MOCS1: variants seen among roughly 807,000 people sequenced by gnomAD.
The protein encoded by MOCS1 is molybdenum cofactor biosynthesis protein 1.
Under a neutral mutation model 57.6 loss-of-function variants are expected in MOCS1, and 39 were observed. The observed-to-expected ratio is 0.68, with a 90% CI of 0.52 to 0.88. MOCS1 has a LOEUF of 0.88. Ranked by LOEUF, MOCS1 falls within the 40% of genes least tolerant of loss-of-function variation. MOCS1 has a pLI of 0.00. For missense variants in MOCS1, 795 were observed against 831.1 expected (o/e 0.96, Z 0.53); for synonymous variants, 334 against 335.7 (o/e 1.00, Z 0.05).
intron 2 of MOCS1, 50 bp from the exon 3 acceptor site, chr6:39,925,895 C>T (rs1319599787): frequency 1.9e-6 from 3 of 1,567,608 alleles, no homozygotes; most frequent in Non-Finnish European, 2.6e-6. Context: ...GGCACGGCCA[C>T]AGCCCCGTGA....
intron 3 of MOCS1, among the ~76,000 whole-genome samples, chr6:39,921,165 C>T (rs111800772): frequency 0.024 from 3,617 of 152,004 alleles, 153 homozygotes; most frequent in African/African-American, 0.082. Context: ...TTTGGGAGGC[C>T]GAGGCGGGTG....
intron 1 of MOCS1, among the ~76,000 whole-genome samples, chr6:39,930,863 G>A (rs893879164): frequency 1.3e-5 from 2 of 152,114 alleles, no homozygotes; most frequent in African/African-American, 2.4e-5. Flanking sequence ...CTAAATTCTC[G>A]AAACCTTAGT....
In MOCS1 at chr6:39,906,945, C is replaced by T. The variant is rs764277028; in HGVS notation, c.1323G>A (p.Gly441=). The change falls in exon 11 of 11, where the codon GGG becomes GGA. Residue 441 remains glycine (G), a synonymous_variant. Transcript: ENST00000340692. ...TGTAGTGTCTCTGAAAGGAGCCAGACCCCAGCCGCTGCTGGGCTAGAGGAG... is the reference window on the plus strand; with the variant it reads ...TGTAGTGTCTCTGAAAGGAGCCAGATCCCAGCCGCTGCTGGGCTAGAGGAG... ...QTPPLAQQRL[G]SGSFQRHYTS... The T allele has an allele frequency of 2.0e-5, 32 of 1,613,992 alleles. No homozygotes were observed. The highest frequency in any genetic ancestry group is 2.5e-5 in the Non-Finnish European group (29 of 1,180,018).
In MOCS1 at chr6:39,912,324, C is replaced by T. The variant is rs1205189497; in HGVS notation, c.921G>A (p.Met307Ile). The T allele has an allele frequency of 2.5e-6, 4 of 1,614,000 alleles. No individual in the cohort carries two copies. Among genetic ancestry groups the T allele is most frequent in the Admixed American group, 1.7e-5 (1 of 60,012 alleles). Residue 307 changes from methionine to isoleucine, a missense_variant, in exon 8 of 11, where the codon ATG becomes ATA. Around this residue, in one of 3 missense-constraint regions of MOCS1, gnomAD observed 374 missense variants for 422.6 expected, o/e 0.89. Coordinates refer to ENST00000340692, the MANE Select transcript of MOCS1 (RefSeq NM_001358530.2). ...TGCAGGTCCCACAGAAATGCTCAGA[C>T]ATGGATGTGATGAAGCTGATCTGGC... is the stretch of plus-strand genomic sequence containing the variant. The part of the protein sequence containing the change: ...FQGQISFITS[M>I]SEHFCGTCNR...
At chr6:39,912,180 C>T in intron 8 of MOCS1, 84 bp downstream of exon 8, 1 of 1,082,900 alleles carries the variant, frequency 9.2e-7, no homozygotes, top group South Asian at 1.2e-5. Flanking sequence ...CTGCCAGCCT[C>T]CTCTCCAATC....
chr6:39,932,367 A>G (rs1768687852), intron 1 of MOCS1: 1 of 152,230 alleles, frequency 6.6e-6, no homozygotes, highest in Admixed American at 6.5e-5. Context: ...GGGCTGGCCC[A>G]GTCCTCTCAT....
In MOCS1 at chr6:39,927,315, G is replaced by A. The variant is rs771893622; in HGVS notation, c.250+14C>T. 2 of 1,609,446 alleles carry A rather than the reference G, an allele frequency of 1.2e-6. No individual in the cohort carries two copies. The highest frequency in any genetic ancestry group is 4.5e-5 in the East Asian group (2 of 44,808). ...TGGACACCAGCCCAGAGAGGGCCCA[G>A]GAAGGTGACTCACATCTGAGGTTGC... On this transcript the variant is annotated intron_variant, in intron 2 of 10. Coordinates refer to ENST00000340692, the MANE Select transcript of MOCS1 (RefSeq NM_001358530.2).
rs766498972 is a variant in MOCS1 at position 39,912,297 on chromosome 6, G to A, written c.948C>T (p.Asn316=). ...SMSEHFCGTC[N]RLRITADGNL... ...TCCCATCAGCTGTGATTCGCAGGCG[G>A]TTGCAGGTCCCACAGAAATGCTCAG... Residue 316 remains asparagine (N), a synonymous_variant, in exon 8 of 11, where the codon AAC becomes AAT. Transcript: ENST00000340692. 8.1e-6 allele frequency: 13 copies of A among 1,613,456 alleles called. No homozygotes were observed. The East Asian group carries it at 2.7e-4, about 33-fold the overall frequency.
In MOCS1 at chr6:39,906,209, T is replaced by C. The variant is rs1198210764; in HGVS notation, c.*148A>G. On this transcript the variant is annotated 3_prime_UTR_variant, in exon 11 of 11. Coordinates refer to ENST00000340692, the MANE Select transcript of MOCS1 (RefSeq NM_001358530.2). ...AGAGATCATCTAGCAGCAGGCCTGT[T>C]TGTTAGTAGTAGAGCAGGCTGACTT... 2.1e-6 allele frequency: 2 copies of C among 970,582 alleles called. No individual in the cohort carries two copies. The highest frequency in any genetic ancestry group is 3.3e-6 in the Non-Finnish European group (2 of 607,118). 60.1% of individuals were successfully genotyped at this position (970,582 alleles called of 1,614,324 possible). A position where few individuals can be genotyped will look rare whatever the true frequency, so the allele number is the denominator to read the frequency against.
Position 39,906,935 on chromosome 6 carries a change from A to G in MOCS1, c.1333T>C (p.Phe445Leu), listed in dbSNP as rs1582799981. 1 of 1,614,120 alleles carries G rather than the reference A, an allele frequency of 6.2e-7. No homozygotes were observed. The highest frequency in any genetic ancestry group is 1.1e-5 in the South Asian group (1 of 91,078). Residue 445 changes from phenylalanine to leucine, a missense_variant, in exon 11 of 11, where the codon TTT (phenylalanine) becomes CTT (leucine). By Grantham distance (22) the Phe-to-Leu change is conservative. Coordinates refer to ENST00000340692, the MANE Select transcript of MOCS1 (RefSeq NM_001358530.2). ...LAQQRLGSGS[F>L]QRHYTSRADS... is the part of the protein sequence containing the mutation. ...GCACGGGAAGTGTAGTGTCTCTGAA[A>G]GGAGCCAGACCCCAGCCGCTGCTGG... is the stretch of plus-strand genomic sequence containing the variant.
chr6:39,931,690 C>T (rs536061933), intron 1 of MOCS1, among the ~76,000 whole-genome samples: 124 of 152,236 alleles, frequency 8.1e-4, no homozygotes, highest in African/African-American at 3.0e-3. Context: ...GCCTGCTGTA[C>T]TCCTTCTACC....
intron 3 of MOCS1, among the ~76,000 whole-genome samples, chr6:39,923,898 C>T (rs974369595): frequency 6.6e-6 from 1 of 152,184 alleles, no homozygotes; most frequent in Non-Finnish European, 1.5e-5. Flanking sequence ...GCTCATTCAT[C>T]TTCGTGTGCT....
At chr6:39,916,479 T>A (rs189111321) in intron 3 of MOCS1, among the ~76,000 whole-genome samples, 1 of 152,200 alleles carries the variant, frequency 6.6e-6, no homozygotes, top group Non-Finnish European at 1.5e-5. Flanking sequence ...CATTAGCTCA[T>A]TGAAGCCTCA....
chr6:39,923,286 C>T (rs957338267), intron 3 of MOCS1, among the ~76,000 whole-genome samples: 11 of 152,222 alleles, frequency 7.2e-5, no homozygotes, highest in African/African-American at 1.7e-4. Flanking sequence ...TAAAGTGGCT[C>T]ATCCACAGCT....
rs777492303 is a variant in MOCS1, at chr6:39,934,316, C to T, written c.102G>A (p.Glu34=). ...TCACCTCCGAGGCAGCTCGCGCGGACTCCCCGGGGCAGGGCTGGGTCACCG... is the reference window on the plus strand; with the variant it reads ...TCACCTCCGAGGCAGCTCGCGCGGATTCCCCGGGGCAGGGCTGGGTCACCG... ...GAPVTQPCPG[E]SARAASEEVS... is the part of the protein sequence containing the mutation. Residue 34 remains glutamate (E), a synonymous_variant, in exon 1 of 11, where the codon GAG becomes GAA. Transcript: ENST00000340692. 2 of 1,546,854 alleles carry T rather than the reference C, an allele frequency of 1.3e-6. No homozygotes were observed. The highest frequency in any genetic ancestry group is 2.4e-5 in the South Asian group (2 of 84,586).
rs1318245962 is a variant in MOCS1 at position 39,904,643 on chromosome 6, A to C, written c.*1714T>G. On this transcript the variant is annotated 3_prime_UTR_variant, in exon 11 of 11. Transcript: ENST00000340692. ...AGGTGAATGGGGAAGGGTCTGTTCC[A>C]GCCTCTCCCTACTCCCATCCCATTT... The C allele has an allele frequency of 2.2e-6, 1 of 454,128 alleles. No individual in the cohort carries two copies. Among genetic ancestry groups the C allele is most frequent in the Non-Finnish European group, 4.4e-6 (1 of 226,840 alleles). 28.1% of individuals were successfully genotyped at this position (454,128 alleles called of 1,614,324 possible). A position where few individuals can be genotyped will look rare whatever the true frequency, so the allele number is the denominator to read the frequency against.
chr6:39,925,612 C>T (rs372740390), intron 3 of MOCS1, 66 bp downstream of exon 3: 48 of 1,573,082 alleles, frequency 3.1e-5, no homozygotes, highest in Middle Eastern at 1.7e-4. Context: ...CTGTTAACAT[C>T]GGCATCAGTG....
Position 39,904,706 on chromosome 6 carries a change from A to C in MOCS1, c.*1651T>G, listed in dbSNP as rs1445739022. Reference sequence around the variant, plus strand: ...GAACTGTGACTATCTATCTCCCCCGACTTCTACCAGGGATGCCTTCACGCC... The same window carrying C: ...GAACTGTGACTATCTATCTCCCCCGCCTTCTACCAGGGATGCCTTCACGCC... On this transcript the variant is annotated 3_prime_UTR_variant, in exon 11 of 11. Transcript: ENST00000340692. The C allele has an allele frequency of 2.2e-6, 1 of 454,004 alleles. No homozygotes were observed. The highest frequency in any genetic ancestry group is 1.6e-5 in the South Asian group (1 of 64,468). The allele number at this position is 454,004 out of a possible 1,614,324, so 28.1% of individuals were successfully genotyped here. A position where few individuals can be genotyped will look rare whatever the true frequency, so the allele number is the denominator to read the frequency against.
At position 39,927,472 on chromosome 6, in the gene MOCS1, G is replaced by C; in HGVS notation, c.124-17C>G. On this transcript the variant is annotated splice_polypyrimidine_tract_variant and intron_variant, in intron 1 of 10. Coordinates refer to ENST00000340692, the MANE Select transcript of MOCS1 (RefSeq NM_001358530.2). ...GGACACCTCCTGCGAGGACAGACCAGGGAGGAAGCATGGGCCCCTGCTACC... is the reference window on the plus strand; with the variant it reads ...GGACACCTCCTGCGAGGACAGACCACGGAGGAAGCATGGGCCCCTGCTACC... 5 of 1,610,216 alleles carry C rather than the reference G, an allele frequency of 3.1e-6. No individual in the cohort carries two copies. Among genetic ancestry groups the C allele is most frequent in the Non-Finnish European group, 4.2e-6 (5 of 1,178,492 alleles).
Sources: gnomAD v4.1 joint callset for allele counts (sites outside exome capture counted in the v4.1 genomes callset) on GRCh38, gnomAD v4.1.1 for gene constraint, gnomAD v4.1.1 regional missense constraint, MANE v1.5 for transcripts, NCBI Gene and HGNC (gene_info 2026-07-23, HGNC 2026-07-21) for gene names.